Variants in PODNL1 observed in about 807,000 individuals in gnomAD.
PODNL1 encodes the protein podocan like 1, also known as podocan-like protein 1.
In PODNL1, 50 loss-of-function variants were observed where a neutral mutation model predicts 45.1. That is an observed-to-expected ratio of 1.11 (90% CI 0.88 to 1.40). PODNL1 has a LOEUF of 1.40. PODNL1 is among the 40% of genes most tolerant of loss of function. The pLI, the probability that PODNL1 is intolerant of heterozygous loss-of-function variation, is 0.00. For synonymous variants in PODNL1, 406 were observed against 372.5 expected (o/e 1.09, Z -1.04); for missense variants, 788 against 793.3 (o/e 0.99, Z 0.08).
rs757560174 is a variant in PODNL1 at position 13,938,222 on chromosome 19, A to G, written c.-41T>C. 3.1e-6 allele frequency: 5 copies of G among 1,604,604 alleles called. No homozygotes were observed. The highest frequency in any genetic ancestry group is 4.3e-6 in the Non-Finnish European group (5 of 1,176,098). ...TGCCATCTCGCCCAAGCTGCTGACC[A>G]GGACTTCCTAATGGAAACCAGGCGG... On this transcript the variant is annotated 5_prime_UTR_variant, in exon 1 of 10. Transcript: ENST00000588872.
chr19:13,931,700 C>T lies in PODNL1; in HGVS notation c.*37G>A. ...CCTCAGTCCACGGCCCAGCGGAGTC[C>T]CAGGAGTCTGAGCTGCTCTGCTGGG... On this transcript the variant is annotated 3_prime_UTR_variant, in exon 10 of 10. Transcript: ENST00000588872. 2.4e-6 allele frequency: 3 copies of T among 1,231,668 alleles called. No individual in the cohort carries two copies. The highest frequency in any genetic ancestry group is 2.0e-6 in the Non-Finnish European group (2 of 987,906). 76.3% of individuals were successfully genotyped at this position (1,231,668 alleles called of 1,614,324 possible). A position where few individuals can be genotyped will look rare whatever the true frequency, so the allele number is the denominator to read the frequency against.
upstream of PODNL1, among the ~76,000 whole-genome samples, chr19:13,941,749 G>A (rs914148880): frequency 1.3e-5 from 2 of 152,170 alleles, no homozygotes; most frequent in Non-Finnish European, 2.9e-5. Context: ...GGAGGTGGAG[G>A]TTGCAGTGAG....
chr19:13,941,878 G>T (rs745513528), upstream of PODNL1, among the ~76,000 whole-genome samples: 16 of 152,162 alleles, frequency 1.1e-4, no homozygotes, highest in Admixed American at 2.0e-4. Flanking sequence ...TCCTAGGGCT[G>T]TGTGACCTCC....
rs1379665192 is a variant in PODNL1 at position 13,936,360 on chromosome 19, C to T, written c.319+7G>A. On this transcript the variant is annotated splice_region_variant and intron_variant, in intron 3 of 9. Transcript: ENST00000588872. The stretch of plus-strand genomic sequence containing the variant: ...CCCAGAGAGGCCGCCTCCCTCTGCC[C>T]CCTCACCTTCGGAGGAGATGAGGTT... 2.5e-6 allele frequency: 4 copies of T among 1,607,946 alleles called. No individual in the cohort carries two copies. Among genetic ancestry groups the T allele is most frequent in the Non-Finnish European group, 3.4e-6 (4 of 1,174,840 alleles).
intron 1 of PODNL1, among the ~76,000 whole-genome samples, chr19:13,947,172 A>C (rs868428337): frequency 2.1e-3 from 184 of 87,590 alleles, no homozygotes; most frequent in African/African-American, 0.012. Flanking sequence ...CCATCTCAGA[A>C]AAAAAAAAAA....
chr19:13,935,905 C>G (rs1171245392), intron 4 of PODNL1, 75 bp from the exon 5 acceptor site: 1 of 1,541,352 alleles, frequency 6.5e-7, no homozygotes, highest in East Asian at 2.4e-5. Flanking sequence ...AGAGCTGTCC[C>G]CTCCACACCC....
chr19:13,952,964 T>A (rs973998197), intron 1 of PODNL1: 6 of 969,142 alleles, frequency 6.2e-6, no homozygotes, highest in Non-Finnish European at 9.1e-6. Flanking sequence ...AAGGGGGCGA[T>A]CCAGGCTTTT....
rs528851753 is a variant in PODNL1 at position 13,936,029 on chromosome 19, G to C, written c.335C>G (p.Ala112Gly). ...CTGCAGCTGGGTGAGGGACTCGAAG[G>C]CCTCGTCAGGCAGGCCTGGGAGAGT... ...LISSEGLPDE[A>G]FESLTQLQHL... The change falls in exon 4 of 10, where the codon GCC (alanine) becomes GGC (glycine). Residue 112 changes from alanine (A) to glycine (G), a missense_variant. This residue lies in a region of PODNL1 where 762 missense variants were observed against 750.9 expected (regional missense o/e 1.01). Transcript: ENST00000588872. The C allele has an allele frequency of 1.9e-6, 3 of 1,551,066 alleles. No individual in the cohort carries two copies. In the East Asian group the frequency reaches 7.3e-5, roughly 38 times the overall value.
chr19:13,937,666 C>T lies in PODNL1; in HGVS notation c.225+119G>A, dbSNP rs151108544. The T allele has an allele frequency of 4.9e-4, 458 of 929,510 alleles. 4 individuals carry two copies. In the African/African-American group the frequency reaches 6.6e-3, roughly 13 times the overall value. The allele number at this position is 929,510 out of a possible 1,614,324, so 57.6% of individuals were successfully genotyped here. A position where few individuals can be genotyped will look rare whatever the true frequency, so the allele number is the denominator to read the frequency against. On this transcript the variant is annotated intron_variant, in intron 2 of 9. Transcript: ENST00000588872. ...CTCCATCACAGCCTGCTCTGCACCG[C>T]CCTCCTGCAAGTGTGTTCCTATACC...
chr19:13,933,311 A>G lies in PODNL1; in HGVS notation c.912T>C (p.Arg304=), dbSNP rs766272609. 1.2e-5 allele frequency: 19 copies of G among 1,591,890 alleles called. No homozygotes were observed. The highest frequency in any genetic ancestry group is 1.4e-5 in the Non-Finnish European group (17 of 1,173,780). The change falls in exon 8 of 10, where the codon CGT becomes CGC. Residue 304 remains arginine (R), a synonymous_variant. Transcript: ENST00000588872. This position sits in a 1 kb window ranked among gnomAD's most constrained non-coding sequence, Gnocchi z 5.2. The part of the protein sequence containing the change: ...QVEAARLHGA[R]GLRYLLLQHN... Reference sequence around the variant, plus strand: ...GCTGCAGCAACAAATAGCGCAGACCACGCGCCCCGTGCAGCCGAGCCGCCT... The same window carrying G: ...GCTGCAGCAACAAATAGCGCAGACCGCGCGCCCCGTGCAGCCGAGCCGCCT...
chr19:13,934,467 C>G, intron 5 of PODNL1, 57 bp from the exon 6 acceptor site: 1 of 1,442,678 alleles, frequency 6.9e-7, no homozygotes, highest in Non-Finnish European at 9.1e-7. Context: ...CCACCCCACT[C>G]CCGCACCACA....
chr19:13,937,738 A>G, intron 2 of PODNL1, 47 bp downstream of exon 2: 1 of 1,521,422 alleles, frequency 6.6e-7, no homozygotes, highest in Non-Finnish European at 8.9e-7. Context: ...TCCCCTCACC[A>G]CTGGGTCTCA....
At chr19:13,938,054 G>C in intron 1 of PODNL1, 48 bp from the exon 2 acceptor site, 1 of 1,451,378 alleles carries the variant, frequency 6.9e-7, no homozygotes, top group Non-Finnish European at 9.3e-7. Flanking sequence ...GCGCAGGGTC[G>C]CCATGGTGAC....
upstream of PODNL1, among the ~76,000 whole-genome samples, chr19:13,942,298 T>C (rs1972680558): frequency 6.6e-6 from 1 of 152,134 alleles, no homozygotes. Flanking sequence ...GAACTCTACT[T>C]GCAGGCTTCT....
intron 5 of PODNL1, among the ~76,000 whole-genome samples, chr19:13,935,025 G>T (rs564053748): frequency 2.9e-4 from 44 of 151,334 alleles, no homozygotes; most frequent in African/African-American, 9.2e-4. Flanking sequence ...CATGTGGTTG[G>T]AAGTGTGTGC....
At chr19:13,944,601 G>A (rs1972758279) in intron 1 of PODNL1, among the ~76,000 whole-genome samples, 1 of 152,102 alleles carries the variant, frequency 6.6e-6, no homozygotes, top group Admixed American at 6.6e-5. Flanking sequence ...GGGACTACAG[G>A]TGCAGGCCAT....
chr19:13,933,089 C>G lies in PODNL1; in HGVS notation c.1134G>C (p.Thr378=), dbSNP rs1187580363. 5 of 1,531,056 alleles carry G rather than the reference C, an allele frequency of 3.3e-6. No individual in the cohort carries two copies. Among genetic ancestry groups the G allele is most frequent in the Non-Finnish European group, 4.4e-6 (5 of 1,143,130 alleles). 94.8% of individuals were successfully genotyped at this position (1,531,056 alleles called of 1,614,324 possible). The change falls in exon 8 of 10, where the codon ACG becomes ACC. Residue 378 remains threonine, a synonymous_variant. Coordinates refer to ENST00000588872, the MANE Select transcript of PODNL1 (RefSeq NM_001370095.3). The surrounding 1 kb of genome is among the most constrained non-coding windows in gnomAD (Gnocchi z 5.2). ...GGCGGTTATAGGCCAGGTTAAGCTC[C>G]GTCAGGCCCGGTGTGGCGACCAGGT... ...ARDLVATPGL[T]ELNLAYNRLA...
At position 13,932,797 on chromosome 19, in the gene PODNL1, C is replaced by T. The variant is rs1326056898; in HGVS notation, c.1425+1G>A. ...GTGTGGCTAACCAGCCTGTGCCTGA[C>T]CTGGAGGGCTTGGAGCTCATGCCAG... On this transcript the variant is annotated splice_donor_variant, in intron 8 of 9. Coordinates refer to ENST00000588872, the MANE Select transcript of PODNL1 (RefSeq NM_001370095.3). LOFTEE classifies it high-confidence loss of function. 6.2e-7 allele frequency: 1 copy of T among 1,613,012 alleles called. No individual in the cohort carries two copies. Among genetic ancestry groups the T allele is most frequent in the South Asian group, 1.1e-5 (1 of 91,086 alleles).
At chr19:13,934,475 A>C in intron 5 of PODNL1, 65 bp from the exon 6 acceptor site, 1 of 1,423,296 alleles carries the variant, frequency 7.0e-7, no homozygotes, top group Non-Finnish European at 9.2e-7. Flanking sequence ...CTCCCGCACC[A>C]CACCCTGCTC....
Sources: allele counts gnomAD v4.1 joint callset (sites outside exome capture counted in the v4.1 genomes callset), GRCh38; gene constraint gnomAD v4.1.1; regional missense constraint gnomAD v4.1.1; non-coding constraint Gnocchi (gnomAD v3.1); transcripts MANE v1.5; gene names NCBI Gene and HGNC (gene_info 2026-07-23, HGNC 2026-07-21).